Variants in AXDND1 observed in about 807,000 individuals in gnomAD.
AXDND1 encodes axonemal dynein light chain domain containing 1, also known as axonemal dynein light chain domain-containing protein 1.
Under a neutral mutation model 137.5 loss-of-function variants are expected in AXDND1, and 110 were observed. The observed-to-expected ratio is 0.80, with a 90% CI of 0.69 to 0.94. AXDND1 has a LOEUF of 0.94. Among genes scored for constraint, AXDND1 ranks in the 40% least tolerant of loss-of-function variants. The pLI, the probability that AXDND1 is intolerant of heterozygous loss-of-function variation, is 0.00. For synonymous variants in AXDND1, 414 were observed against 399.7 expected, an observed-to-expected ratio of 1.04 and a Z score of -0.43; for missense variants, 1,191 against 1,169.8, an observed-to-expected ratio of 1.02 and a Z score of -0.26.
chr1:179,383,326 C>T (rs567465918), intron 7 of AXDND1, 116 bp from the exon 8 acceptor site: 1 of 715,566 alleles, frequency 1.4e-6, no homozygotes. Context: ...GCTTAAAATG[C>T]CATTAATATC....
chr1:179,513,704 T>C (rs1669261328), intron 21 of AXDND1, among the ~76,000 whole-genome samples: 1 of 152,126 alleles, frequency 6.6e-6, no homozygotes. Context: ...GACTTTTTTT[T>C]TGTTGGTAAT....
chr1:179,519,162 T>C (rs556654506), intron 21 of AXDND1, among the ~76,000 whole-genome samples: 1 of 152,386 alleles, frequency 6.6e-6, no homozygotes, highest in Non-Finnish European at 1.5e-5. Flanking sequence ...CTTTTTCTCA[T>C]ATGATTATTG....
intron 14 of AXDND1, among the ~76,000 whole-genome samples, chr1:179,431,434 G>A (rs1299226457): frequency 2.0e-5 from 3 of 151,944 alleles, no homozygotes; most frequent in Admixed American, 2.0e-4. Context: ...GAGCCACCAT[G>A]CCCAGCCTGG....
chr1:179,372,398 C>T (rs1208514893), intron 4 of AXDND1, among the ~76,000 whole-genome samples: 1 of 152,164 alleles, frequency 6.6e-6, no homozygotes, highest in Non-Finnish European at 1.5e-5. Context: ...GTGACATTGA[C>T]ATCTTCAGAT....
intron 20 of AXDND1, among the ~76,000 whole-genome samples, chr1:179,501,994 A>C (rs1668046974): frequency 6.6e-6 from 1 of 152,208 alleles, no homozygotes. Context: ...TTGTCAAGAA[A>C]ATACCATTAA....
At chr1:179,543,855 A>T (rs1572227370) in intron 25 of AXDND1, 1 of 152,572 alleles carries the variant, frequency 6.6e-6, no homozygotes, top group East Asian at 1.9e-4. Context: ...AAAAAATGTA[A>T]AACTGCTTTG....
intron 20 of AXDND1, among the ~76,000 whole-genome samples, chr1:179,497,288 A>T (rs1165778897): frequency 6.6e-6 from 1 of 152,076 alleles, no homozygotes; most frequent in Non-Finnish European, 1.5e-5. Context: ...GACTATAATT[A>T]TGTTTTGTTT....
At chr1:179,417,189 C>T (rs1654833087) in intron 12 of AXDND1, among the ~76,000 whole-genome samples, 1 of 108,958 alleles carries the variant, frequency 9.2e-6, no homozygotes, top group South Asian at 3.5e-4. Flanking sequence ...AGACTATCTC[C>T]TCTTTTTTTT....
intron 18 of AXDND1, among the ~76,000 whole-genome samples, chr1:179,486,510 A>C (rs7544340): frequency 0.54 from 73,244 of 135,102 alleles, 21,459 homozygotes; most frequent in East Asian, 0.76. Context: ...ATAAGACCAT[A>C]CATGAGACAC....
chr1:179,554,330 T>G, intron 25 of AXDND1, 182 bp from the exon 26 acceptor site: 1 of 848,748 alleles, frequency 1.2e-6, no homozygotes. Flanking sequence ...CTGTAAGATA[T>G]TAGGTGATTT....
intron 12 of AXDND1, among the ~76,000 whole-genome samples, chr1:179,425,954 A>C (rs1298659390): frequency 6.6e-6 from 1 of 151,098 alleles, no homozygotes; most frequent in Non-Finnish European, 1.5e-5. Flanking sequence ...CTCCTGCCAC[A>C]GCCTCTCAAG....
intron 18 of AXDND1, among the ~76,000 whole-genome samples, chr1:179,489,980 G>A (rs1385745317): frequency 2.0e-5 from 3 of 152,032 alleles, no homozygotes; most frequent in African/African-American, 4.8e-5. Flanking sequence ...TCCTGACCTC[G>A]TGATCCACCT....
intron 20 of AXDND1, among the ~76,000 whole-genome samples, chr1:179,508,565 G>A (rs1314894548): frequency 6.6e-6 from 1 of 152,070 alleles, no homozygotes; most frequent in Non-Finnish European, 1.5e-5. Flanking sequence ...TTAACTGTTA[G>A]GAGATCTTGG....
intron 20 of AXDND1, among the ~76,000 whole-genome samples, chr1:179,500,655 G>A (rs932741658): frequency 6.6e-6 from 1 of 152,094 alleles, no homozygotes; most frequent in Non-Finnish European, 1.5e-5. Context: ...GCCACATATT[G>A]CTATTCACAT....
At position 179,370,017 on chromosome 1, in the gene AXDND1, G is replaced by GA; in HGVS notation, c.313_314insA (p.Val105AspfsTer5). ...TGTAGACCATGTCTGGCATCACCCT[G>GA]TTCGAAGGAATAAATTCAAATACCT... On this transcript the variant is annotated frameshift_variant, in exon 4 of 26. Transcript: ENST00000367618. LOFTEE classifies it high-confidence loss of function. The GA allele has an allele frequency of 6.2e-7, 1 of 1,614,016 alleles. No homozygotes were observed. The highest frequency in any genetic ancestry group is 8.5e-7 in the Non-Finnish European group (1 of 1,179,966).
At chr1:179,492,452 AC>A (rs1462620835) in intron 19 of AXDND1, among the ~76,000 whole-genome samples, 37 of 32,556 alleles carry the variant, frequency 1.1e-3, no homozygotes, top group African/African-American at 1.5e-3. Flanking sequence ...AAAAAAAACA[AC>A]AACCCACAAA....
In AXDND1 at chr1:179,432,339, G is replaced by T; in HGVS notation, c.1560G>T (p.Gln520His). Reference protein sequence around the residue: ...NSVLLDFKQWQKILNEKKEEF... With the variant: ...NSVLLDFKQWHKILNEKKEEF... ...TTCTTTTAGACTTCAAACAGTGGCA[G>T]AAGGTAAGACTTTTTAATAAAGAGC... Residue 520 changes from glutamine (Q) to histidine (H), a missense_variant, in exon 15 of 26, where the codon CAG becomes CAT. Transcript: ENST00000367618. 6.4e-7 allele frequency: 1 copy of T among 1,569,770 alleles called. No individual in the cohort carries two copies. Among genetic ancestry groups the T allele is most frequent in the South Asian group, 1.2e-5 (1 of 85,648 alleles).
chr1:179,397,692 C>A (rs1010612251), intron 11 of AXDND1, among the ~76,000 whole-genome samples: 11 of 152,096 alleles, frequency 7.2e-5, no homozygotes, highest in Non-Finnish European at 1.5e-5. Context: ...CCTTTTTATT[C>A]TTTTTTCTCT....
At chr1:179,548,103 G>C (rs1394161097) in intron 25 of AXDND1, among the ~76,000 whole-genome samples, 1 of 152,180 alleles carries the variant, frequency 6.6e-6, no homozygotes, top group African/African-American at 2.4e-5. Context: ...TTCTGTCCTA[G>C]AACAACCACC....
Sources: gnomAD v4.1 joint callset for allele counts (sites outside exome capture counted in the v4.1 genomes callset) on GRCh38, gnomAD v4.1.1 for gene constraint, MANE v1.5 for transcripts, NCBI Gene and HGNC (gene_info 2026-07-23, HGNC 2026-07-21) for gene names.